GTF2IRD1: variants seen among roughly 807,000 people sequenced by gnomAD.
GTF2IRD1 encodes the protein GTF2I repeat domain containing 1.
A neutral mutation model predicts 113.2 loss-of-function variants in GTF2IRD1; 26 were observed. That is an observed-to-expected ratio of 0.23 (90% CI 0.17 to 0.32). GTF2IRD1 has a LOEUF of 0.32. Ranked by LOEUF, GTF2IRD1 falls within the 10% of genes least tolerant of loss-of-function variation. The pLI is 1.00. For synonymous variants in GTF2IRD1, 484 were observed against 529.1 expected, an observed-to-expected ratio of 0.91 and a Z score of 1.17; for missense variants, 864 against 1,280.8, an observed-to-expected ratio of 0.67 and a Z score of 4.97.
intron 1 of GTF2IRD1, among the ~76,000 whole-genome samples, chr7:74,504,165 G>A (rs1281434692): frequency 5.3e-5 from 8 of 152,158 alleles, no homozygotes; most frequent in African/African-American, 1.9e-4. Flanking sequence ...ACCGCTGATG[G>A]ACACATGGGT....
intron 13 of GTF2IRD1, among the ~76,000 whole-genome samples, chr7:74,539,658 C>T (rs1422648402): frequency 6.6e-6 from 1 of 151,924 alleles, no homozygotes; most frequent in African/African-American, 2.4e-5. Context: ...GCAGGAGAAT[C>T]GCTTGAACCC....
In GTF2IRD1 at chr7:74,590,833, C is replaced by T; in HGVS notation, c.2407C>T (p.Leu803=). 6.3e-7 allele frequency: 1 copy of T among 1,598,838 alleles called. No individual in the cohort carries two copies. The highest frequency in any genetic ancestry group is 8.5e-7 in the Non-Finnish European group (1 of 1,169,756). The change falls in exon 24 of 27, where the codon CTG becomes TTG. Residue 803 remains leucine, a synonymous_variant. Coordinates refer to ENST00000424337, the MANE Select transcript of GTF2IRD1 (RefSeq NM_005685.4). The part of the protein sequence containing the change: ...ELFNEKYGEA[L]GLNRPVLVPY... Reference sequence around the variant, plus strand: ...CTTCCTGTGCCCTCTAGGTGAGGCCCTGGGCCTGAACCGGCCGGTGCTGGT... The same window carrying T: ...CTTCCTGTGCCCTCTAGGTGAGGCCTTGGGCCTGAACCGGCCGGTGCTGGT...
chr7:74,513,548 G>A (rs1041460309), intron 3 of GTF2IRD1, among the ~76,000 whole-genome samples: 6 of 152,056 alleles, frequency 3.9e-5, no homozygotes, highest in Admixed American at 6.6e-5. Flanking sequence ...CAGGTGACCC[G>A]CCCACCTCAG....
intron 22 of GTF2IRD1, among the ~76,000 whole-genome samples, chr7:74,582,727 C>T (rs1801489269): frequency 6.6e-6 from 1 of 152,144 alleles, no homozygotes; most frequent in Admixed American, 6.6e-5. Context: ...TTCCCCATAC[C>T]TGGCCCTGGG....
chr7:74,540,952 C>T (rs782518560), intron 14 of GTF2IRD1, among the ~76,000 whole-genome samples: 8 of 151,248 alleles, frequency 5.3e-5, no homozygotes, highest in African/African-American at 7.3e-5. Context: ...TTAGTAGAGA[C>T]GGGGTTTCAC....
intron 1 of GTF2IRD1, among the ~76,000 whole-genome samples, 194 bp from the exon 2 acceptor site, chr7:74,507,881 C>T (rs1479837730): frequency 3.3e-5 from 5 of 152,126 alleles, no homozygotes; most frequent in African/African-American, 7.2e-5. Context: ...TGTGAGTTAT[C>T]CTGCCACCTG....
chr7:74,558,071 C>T (rs1339593200), intron 20 of GTF2IRD1, among the ~76,000 whole-genome samples: 1 of 151,822 alleles, frequency 6.6e-6, no homozygotes. Context: ...CTCAGGAGTT[C>T]GAGGCCAGCC....
chr7:74,460,882 C>A (rs1793318383), intron 1 of GTF2IRD1, among the ~76,000 whole-genome samples: 1 of 152,154 alleles, frequency 6.6e-6, no homozygotes, highest in Non-Finnish European at 1.5e-5. Flanking sequence ...GCTGACCCCA[C>A]AGCACGGAGG....
chr7:74,527,243 C>T (rs587604101), intron 8 of GTF2IRD1, among the ~76,000 whole-genome samples: 1 of 152,316 alleles, frequency 6.6e-6, no homozygotes, highest in African/African-American at 2.4e-5. Flanking sequence ...AATCTTAGCA[C>T]TTTGGGAAGC....
Position 74,519,645 on chromosome 7 carries a change from C to T in GTF2IRD1, c.842C>T (p.Pro281Leu). The T allele has an allele frequency of 1.2e-6, 2 of 1,610,946 alleles. No homozygotes were observed. Among genetic ancestry groups the T allele is most frequent in the East Asian group, 4.5e-5 (2 of 44,786 alleles). Reference protein sequence around the residue: ...KQEAPSCPLAPSDLGLSRPMP... With the variant: ...KQEAPSCPLALSDLGLSRPMP... ...GAAGCACCTTCCTGCCCCCTTGCCCCCAGCGACCTGGGCCTGAGTCGGCCC... is the reference window on the plus strand; with the variant it reads ...GAAGCACCTTCCTGCCCCCTTGCCCTCAGCGACCTGGGCCTGAGTCGGCCC... Residue 281 changes from proline (P) to leucine (L), a missense_variant, in exon 6 of 27, where the codon CCC (proline) becomes CTC (leucine). Coordinates refer to ENST00000424337, the MANE Select transcript of GTF2IRD1 (RefSeq NM_005685.4).
chr7:74,597,533 A>G lies in GTF2IRD1; in HGVS notation c.2629+2482A>G, dbSNP rs182441430. Among the ~76,000 whole-genome samples, 426 of 150,194 alleles carry G rather than the reference A, an allele frequency of 2.8e-3. 1 individual carries two copies. Among genetic ancestry groups the G allele is most frequent in the African/African-American group, 9.9e-3 (404 of 40,668 alleles). Reference sequence around the variant, plus strand: ...GCTAATTTTTTGTATTTTTAGTAGAAGTGAGGTTTCACCATGTTGGCCGGG... The same window carrying G: ...GCTAATTTTTTGTATTTTTAGTAGAGGTGAGGTTTCACCATGTTGGCCGGG... On this transcript the variant is annotated intron_variant, in intron 25 of 26. Coordinates refer to ENST00000424337, the MANE Select transcript of GTF2IRD1 (RefSeq NM_005685.4).
chr7:74,503,319 C>T (rs915534470), intron 1 of GTF2IRD1, among the ~76,000 whole-genome samples: 19 of 152,150 alleles, frequency 1.2e-4, no homozygotes, highest in African/African-American at 2.4e-4. Context: ...GGAGCAAAAT[C>T]GGGAGCTGGG....
chr7:74,534,106 G>A (rs1554349616), intron 9 of GTF2IRD1, among the ~76,000 whole-genome samples: 2 of 152,126 alleles, frequency 1.3e-5, no homozygotes, highest in Admixed American at 6.5e-5. Flanking sequence ...GCCGTCCTGT[G>A]CCTGTCACTG....
intron 17 of GTF2IRD1, among the ~76,000 whole-genome samples, chr7:74,548,143 C>T (rs1430666703): frequency 1.3e-5 from 2 of 152,082 alleles, no homozygotes; most frequent in African/African-American, 2.4e-5. Flanking sequence ...TGGGCCCGGG[C>T]GCGGTGGCTC....
intron 16 of GTF2IRD1, among the ~76,000 whole-genome samples, chr7:74,546,224 T>C (rs11763294): frequency 0.082 from 12,175 of 147,876 alleles, 596 homozygotes; most frequent in Non-Finnish European, 0.11. Flanking sequence ...TTTTCTTTTT[T>C]TTTTTTTTTT....
intron 1 of GTF2IRD1, among the ~76,000 whole-genome samples, chr7:74,470,763 A>C (rs1419094329): frequency 6.6e-6 from 1 of 152,164 alleles, no homozygotes; most frequent in East Asian, 1.9e-4. Flanking sequence ...AAGGGAAGGA[A>C]GCAGACTGGA....
rs532156280 is a variant in GTF2IRD1 at position 74,467,328 on chromosome 7, C to T, written c.-7+13152C>T. ...GCTGCTTCTGCCGGCCTGGCTGTGGCGTTCAGAGGCATCTGGAGGGCAGTG... is the reference window on the plus strand; with the variant it reads ...GCTGCTTCTGCCGGCCTGGCTGTGGTGTTCAGAGGCATCTGGAGGGCAGTG... On this transcript the variant is annotated intron_variant, in intron 1 of 26. Transcript: ENST00000424337. Among the ~76,000 whole-genome samples, 26 of 152,220 alleles carry T rather than the reference C, an allele frequency of 1.7e-4. 1 individual carries two copies. The South Asian group carries it at 3.3e-3, about 19-fold the overall frequency.
chr7:74,586,484 G>T (rs1801726207), intron 22 of GTF2IRD1, among the ~76,000 whole-genome samples: 1 of 152,232 alleles, frequency 6.6e-6, no homozygotes, highest in Non-Finnish European at 1.5e-5. Context: ...CACGCAGGGG[G>T]GCTGGCGGGC....
intron 9 of GTF2IRD1, among the ~76,000 whole-genome samples, chr7:74,532,154 C>T (rs587724986): frequency 8.5e-5 from 13 of 152,272 alleles, no homozygotes; most frequent in African/African-American, 2.9e-4. Flanking sequence ...TGACATCTGC[C>T]TCCACCCCCA....
Sources: gnomAD v4.1 joint callset for allele counts (sites outside exome capture counted in the v4.1 genomes callset) on GRCh38, gnomAD v4.1.1 for gene constraint, MANE v1.5 for transcripts, NCBI Gene and HGNC (gene_info 2026-07-23, HGNC 2026-07-21) for gene names.